TENM3: variants seen among roughly 807,000 people sequenced by gnomAD.
The protein encoded by TENM3 is teneurin-3.
A neutral mutation model predicts 255.1 loss-of-function variants in TENM3; 63 were observed. The observed-to-expected ratio is 0.25, with a 90% CI of 0.20 to 0.30. TENM3 has a LOEUF of 0.30. Ranked by LOEUF, TENM3 falls within the 10% of genes least tolerant of loss-of-function variation. TENM3 has a pLI of 1.00. For missense variants in TENM3, 2,929 were observed against 3,461.1 expected (o/e 0.85, Z 3.86); for synonymous variants, 1,306 against 1,322.3 (o/e 0.99, Z 0.27).
At chr4:181,844,000 G>A in the TENM3 span, among the ~76,000 whole-genome samples, 95 of 152,180 alleles carry the variant, frequency 6.2e-4, 1 homozygote, top group African/African-American at 1.9e-3. Flanking sequence ...TTACAGACAT[G>A]AGCCACCGCG....
chr4:182,239,608 G>T (rs1757112660), upstream of TENM3, among the ~76,000 whole-genome samples: 1 of 152,142 alleles, frequency 6.6e-6, no homozygotes, highest in African/African-American at 2.4e-5. Context: ...GCAGGAAAAA[G>T]ATGATTTAGT....
At chr4:181,699,722 TAACAA>T in the TENM3 span, among the ~76,000 whole-genome samples, 1 of 152,130 alleles carries the variant, frequency 6.6e-6, no homozygotes, top group Non-Finnish European at 1.5e-5. Context: ...TTTCCTTTTG[TAACAA>T]AACAAATCTG....
intron 2 of TENM3, among the ~76,000 whole-genome samples, chr4:182,324,605 A>T (rs944553384): frequency 6.6e-6 from 1 of 152,172 alleles, no homozygotes; most frequent in Non-Finnish European, 1.5e-5. Flanking sequence ...GCTCACAGAC[A>T]TTGTGTCTGT....
At chr4:181,881,361 A>T in the TENM3 span, among the ~76,000 whole-genome samples, 1 of 152,152 alleles carries the variant, frequency 6.6e-6, no homozygotes, top group Non-Finnish European at 1.5e-5. Context: ...AAGTTAAAGA[A>T]AAAAGGAAGT....
the TENM3 span, among the ~76,000 whole-genome samples, chr4:181,726,500 AT>A: frequency 6.6e-6 from 1 of 152,222 alleles, no homozygotes; most frequent in Non-Finnish European, 1.5e-5. Context: ...GCTATGAAAT[AT>A]TGCTTCTGAA....
chr4:182,354,158 T>C (rs1435407317), intron 3 of TENM3, among the ~76,000 whole-genome samples: 2 of 152,170 alleles, frequency 1.3e-5, no homozygotes, highest in African/African-American at 4.8e-5. Context: ...CACATGGAAA[T>C]TGCCATTTCT....
At chr4:181,859,774 G>A in the TENM3 span, among the ~76,000 whole-genome samples, 29 of 151,820 alleles carry the variant, frequency 1.9e-4, no homozygotes, top group East Asian at 5.8e-4. Flanking sequence ...GATCATATGC[G>A]TTTCTAGAAT....
At chr4:182,281,480 C>A (rs1760378992) in intron 1 of TENM3, among the ~76,000 whole-genome samples, 1 of 152,054 alleles carries the variant, frequency 6.6e-6, no homozygotes, top group South Asian at 2.1e-4. Context: ...GAAATTTCAG[C>A]TCAAAGGAGC....
the TENM3 span, among the ~76,000 whole-genome samples, chr4:181,555,604 T>C: frequency 7.9e-5 from 12 of 152,228 alleles, no homozygotes; most frequent in Non-Finnish European, 8.8e-5. Flanking sequence ...TTGTAACAAG[T>C]ATCCTTAATG....
At position 182,334,395 on chromosome 4, in the gene TENM3, G is replaced by A. The variant is rs115687730; in HGVS notation, c.232+10143G>A. 9.0e-3 allele frequency among the ~76,000 whole-genome samples: 1,367 copies of A among 152,150 alleles called. 22 individuals carry two copies. The highest frequency in any genetic ancestry group is 0.032 in the African/African-American group (1,321 of 41,510). On this transcript the variant is annotated intron_variant, in intron 2 of 27. Transcript: ENST00000511685. ...AGTTAAGGATATCAAATAGAATTCC[G>A]GTGGGTTAGAGTTAATTTTAATTGG... is the stretch of plus-strand genomic sequence containing the variant.
chr4:182,729,327 C>T (rs1760491162), intron 14 of TENM3, 146 bp downstream of exon 14: 1 of 715,284 alleles, frequency 1.4e-6, no homozygotes, highest in Non-Finnish European at 2.3e-6. Context: ...CTTCACCAAA[C>T]TTTGTATTTC....
chr4:181,983,082 T>C, the TENM3 span, among the ~76,000 whole-genome samples: 1 of 152,124 alleles, frequency 6.6e-6, no homozygotes, highest in Admixed American at 6.6e-5. Context: ...TGCAATACTG[T>C]TTAATAAAGA....
the TENM3 span, among the ~76,000 whole-genome samples, chr4:181,751,319 C>T: frequency 2.0e-5 from 3 of 151,538 alleles, no homozygotes; most frequent in African/African-American, 7.3e-5. Context: ...ATTTGGAAGC[C>T]CAAACTATTT....
chr4:182,251,441 C>T (rs967518150), intron 1 of TENM3, among the ~76,000 whole-genome samples: 44 of 152,192 alleles, frequency 2.9e-4, no homozygotes, highest in Non-Finnish European at 5.1e-4. Context: ...GAACTCCAGC[C>T]TGGGTGACAC....
chr4:181,560,257 A>G, the TENM3 span, among the ~76,000 whole-genome samples: 1 of 152,122 alleles, frequency 6.6e-6, no homozygotes, highest in East Asian at 1.9e-4. Flanking sequence ...TTGTAAGGGC[A>G]CTAATCCCCT....
At chr4:182,650,895 T>A (rs1352196206) in intron 5 of TENM3, among the ~76,000 whole-genome samples, 1,754 of 16,190 alleles carry the variant, frequency 0.11, 35 homozygotes, top group African/African-American at 0.32. Context: ...AAAAAATATA[T>A]ATATATATAT....
intron 5 of TENM3, among the ~76,000 whole-genome samples, chr4:182,641,816 C>CTT (rs1752344699): frequency 6.6e-6 from 1 of 152,194 alleles, no homozygotes; most frequent in Non-Finnish European, 1.5e-5. Context: ...CGCAAGCCAC[C>CTT]GCGCCTGGCC....
the TENM3 span, among the ~76,000 whole-genome samples, chr4:181,979,923 A>C: frequency 6.6e-6 from 1 of 152,128 alleles, no homozygotes; most frequent in Non-Finnish European, 1.5e-5. Context: ...AGGTGTAGCC[A>C]AGGCTCCGTG....
chr4:182,258,445 A>T (rs963418123), intron 1 of TENM3, among the ~76,000 whole-genome samples: 16 of 152,318 alleles, frequency 1.1e-4, no homozygotes, highest in African/African-American at 3.1e-4. Context: ...AGTACATACA[A>T]ACGCTCATTG....
Sources: allele counts gnomAD v4.1 joint callset (sites outside exome capture counted in the v4.1 genomes callset), GRCh38; gene constraint gnomAD v4.1.1; transcripts MANE v1.5; gene names NCBI Gene and HGNC (gene_info 2026-07-23, HGNC 2026-07-21).